CD58: variants seen among roughly 807,000 people sequenced by gnomAD.
CD58 encodes the protein CD58 molecule, also known as lymphocyte function-associated antigen 3.
CD58 carries 14 observed loss-of-function variants against 27.6 expected under a neutral mutation model. That is an observed-to-expected ratio of 0.51 (90% CI 0.34 to 0.79). CD58 has a LOEUF of 0.79. Among genes scored for constraint, CD58 ranks in the 30% least tolerant of loss-of-function variants. CD58 has a pLI of 0.02. For missense variants in CD58, 268 were observed against 301.7 expected, an observed-to-expected ratio of 0.89 and a Z score of 0.83; for synonymous variants, 117 against 103.8, an observed-to-expected ratio of 1.13 and a Z score of -0.77.
At chr1:116,566,795 A>T (rs867647827) in intron 1 of CD58, among the ~76,000 whole-genome samples, 1 of 152,272 alleles carries the variant, frequency 6.6e-6, no homozygotes, top group Middle Eastern at 3.4e-3. Context: ...TGTGTGTGCA[A>T]AAGCTATCCA....
chr1:116,525,407 T>C (rs1202260972), intron 3 of CD58, among the ~76,000 whole-genome samples: 1 of 152,260 alleles, frequency 6.6e-6, no homozygotes, highest in Admixed American at 6.5e-5. Flanking sequence ...TGTCTGTATG[T>C]ACCACAGTTT....
rs761036360 is a variant in CD58, at chr1:116,521,866, G to A, written c.706+40C>T. The A allele has an allele frequency of 1.5e-5, 16 of 1,073,062 alleles. 1 individual carries two copies. The highest frequency in any genetic ancestry group is 1.7e-5 in the Non-Finnish European group (12 of 703,480). 66.5% of individuals were successfully genotyped at this position (1,073,062 alleles called of 1,614,324 possible). ...TATTTTCTGACCTTTGGAAAACAAT[G>A]CAAGTTTTCAAACTATTTTGTTTTA... On this transcript the variant is annotated intron_variant, in intron 4 of 5. Transcript: ENST00000369489. The surrounding 1 kb of genome is among the most constrained non-coding windows in gnomAD (Gnocchi z 5.6).
Position 116,570,877 on chromosome 1 carries a change from G to A in CD58, c.70+26C>T. 4.6e-6 allele frequency: 7 copies of A among 1,534,488 alleles called. No homozygotes were observed. The highest frequency in any genetic ancestry group is 6.1e-6 in the Non-Finnish European group (7 of 1,143,540). On this transcript the variant is annotated intron_variant, in intron 1 of 5. Transcript: ENST00000369489. The surrounding 1 kb of genome is among the most constrained non-coding windows in gnomAD (Gnocchi z 6.4). Reference sequence around the variant, plus strand: ...TGCCCAGTACCCGCCGGCCGGCGCGGGGCCCCTGGGGCAGGCTTCACTCAC... The same window carrying A: ...TGCCCAGTACCCGCCGGCCGGCGCGAGGCCCCTGGGGCAGGCTTCACTCAC...
chr1:116,556,255 GAAAAAAAA>G (rs1158092746), intron 1 of CD58, among the ~76,000 whole-genome samples: 372 of 29,824 alleles, frequency 0.012, 1 homozygote, highest in African/African-American at 0.021. Flanking sequence ...CTCCATCTCA[GAAAAAAAA>G]AAAAAAAAAA....
intron 3 of CD58, among the ~76,000 whole-genome samples, chr1:116,535,155 T>G (rs999285472): frequency 6.6e-6 from 1 of 152,188 alleles, no homozygotes. Context: ...CCAAGACAGA[T>G]TGTCATGATA....
At chr1:116,544,266 A>G (rs1294030974) in intron 2 of CD58, 45 bp downstream of exon 2, 12 of 1,378,346 alleles carry the variant, frequency 8.7e-6, no homozygotes, top group Non-Finnish European at 1.2e-5. Flanking sequence ...GACTAAAAAA[A>G]TGGAAATTTG....
rs1231866392 is a variant in CD58 at position 116,550,240 on chromosome 1, C to T, written c.71-5636G>A. On this transcript the variant is annotated intron_variant, in intron 1 of 5. Coordinates refer to ENST00000369489, the MANE Select transcript of CD58 (RefSeq NM_001779.3). The surrounding 1 kb of genome is among the most constrained non-coding windows in gnomAD (Gnocchi z 4.2). The stretch of plus-strand genomic sequence containing the variant: ...CCTTTCACAAAATATTTCTCAGAGG[C>T]ATCCAATGCTGTTTGATAGAATTTT... Among the ~76,000 whole-genome samples the T allele has an allele frequency of 6.6e-6, 1 of 152,190 alleles. No individual in the cohort carries two copies. The highest frequency in any genetic ancestry group is 1.5e-5 in the Non-Finnish European group (1 of 68,022).
rs1000284094 is a variant in CD58 at position 116,541,640 on chromosome 1, T to C, written c.364+2671A>G. On this transcript the variant is annotated intron_variant, in intron 2 of 5. Coordinates refer to ENST00000369489, the MANE Select transcript of CD58 (RefSeq NM_001779.3). This position sits in a 1 kb window ranked among gnomAD's most constrained non-coding sequence, Gnocchi z 5.3. The stretch of plus-strand genomic sequence containing the variant: ...TGCCATTAACCAAAAGGGAAAAGAT[T>C]TGGGGAGGAGCAGCAGGTTTTAAGG... Among the ~76,000 whole-genome samples the C allele has an allele frequency of 1.3e-5, 2 of 152,112 alleles. No homozygotes were observed. Among genetic ancestry groups the C allele is most frequent in the Non-Finnish European group, 2.9e-5 (2 of 68,020 alleles).
In CD58 at chr1:116,526,138, C is replaced by T. The variant is rs371528022; in HGVS notation, c.629-4155G>A. On this transcript the variant is annotated intron_variant, in intron 3 of 5. Transcript: ENST00000369489. Reference sequence around the variant, plus strand: ...TCTTTTGCAAATATTTTCTCCCAGTCTGTGGCTTGGCTTCTCATTCTCTTG... The same window carrying T: ...TCTTTTGCAAATATTTTCTCCCAGTTTGTGGCTTGGCTTCTCATTCTCTTG... Among the ~76,000 whole-genome samples, 7 of 152,292 alleles carry T rather than the reference C, an allele frequency of 4.6e-5. No homozygotes were observed. The East Asian group carries it at 1.4e-3, about 29-fold the overall frequency.
In CD58 at chr1:116,570,895, T is replaced by G. The variant is rs1160846591; in HGVS notation, c.70+8A>C. On this transcript the variant is annotated splice_region_variant and intron_variant, in intron 1 of 5. Transcript: ENST00000369489. This position sits in a 1 kb window ranked among gnomAD's most constrained non-coding sequence, Gnocchi z 6.4. ...CGGCGCGGGGCCCCTGGGGCAGGCT[T>G]CACTCACCAAAGCAGTGCAGCAGGC... The G allele has an allele frequency of 6.4e-7, 1 of 1,552,536 alleles. No individual in the cohort carries two copies. Among genetic ancestry groups the G allele is most frequent in the Non-Finnish European group, 8.7e-7 (1 of 1,153,728 alleles).
At position 116,519,148 on chromosome 1, in the gene CD58, C is replaced by T. The variant is rs1657186084; in HGVS notation, c.743+83G>A. On this transcript the variant is annotated intron_variant, in intron 5 of 5. Transcript: ENST00000369489. This position sits in a 1 kb window ranked among gnomAD's most constrained non-coding sequence, Gnocchi z 4.7. ...GTACAAGGCAACCAACAGATGAGTA[C>T]AATCTGGCTTCCCAAGTAATGGGCA... is the stretch of plus-strand genomic sequence containing the variant. 3 of 1,590,090 alleles carry T rather than the reference C, an allele frequency of 1.9e-6. No individual in the cohort carries two copies. Among genetic ancestry groups the T allele is most frequent in the Admixed American group, 3.5e-5 (2 of 56,982 alleles).
rs1410538420 is a variant in CD58, at chr1:116,532,253, C to G, written c.628+3712G>C. Among the ~76,000 whole-genome samples, 2 of 152,136 alleles carry G rather than the reference C, an allele frequency of 1.3e-5. No individual in the cohort carries two copies. Among genetic ancestry groups the G allele is most frequent in the African/African-American group, 4.8e-5 (2 of 41,414 alleles). ...CAGGGTGGTTCAGAAATGGCAAGGA[C>G]GAGCGACAGCAAAAGGCCGCAGTCC... On this transcript the variant is annotated intron_variant, in intron 3 of 5. Coordinates refer to ENST00000369489, the MANE Select transcript of CD58 (RefSeq NM_001779.3). This position sits in a 1 kb window ranked among gnomAD's most constrained non-coding sequence, Gnocchi z 5.1.
chr1:116,545,243 G>A (rs939445106), intron 1 of CD58, among the ~76,000 whole-genome samples: 4 of 152,306 alleles, frequency 2.6e-5, no homozygotes, highest in African/African-American at 9.6e-5. Flanking sequence ...AGTAAGGAAC[G>A]CTAAGGGTTT....
Position 116,546,742 on chromosome 1 carries a change from G to A in CD58, c.71-2138C>T, listed in dbSNP as rs1658187075. ...TCAGGAATGGAGCTAGTGGTGGAGG[G>A]AAGTGAGGGTAGAGAAAGGGGAGAC... On this transcript the variant is annotated intron_variant, in intron 1 of 5. Coordinates refer to ENST00000369489, the MANE Select transcript of CD58 (RefSeq NM_001779.3). This position sits in a 1 kb window ranked among gnomAD's most constrained non-coding sequence, Gnocchi z 4.1. Among the ~76,000 whole-genome samples, 1 of 152,144 alleles carries A rather than the reference G, an allele frequency of 6.6e-6. No homozygotes were observed. Among genetic ancestry groups the A allele is most frequent in the African/African-American group, 2.4e-5 (1 of 41,418 alleles).
intron 1 of CD58, among the ~76,000 whole-genome samples, chr1:116,551,276 T>C (rs751629931): frequency 9.2e-5 from 14 of 152,356 alleles, no homozygotes; most frequent in Admixed American, 3.9e-4. Flanking sequence ...TTTGTCTACA[T>C]TGAAAATCTG....
chr1:116,533,631 C>T (rs1436107815), intron 3 of CD58: 1 of 700,436 alleles, frequency 1.4e-6, no homozygotes, highest in Non-Finnish European at 2.7e-6. Flanking sequence ...TGGGATTTGG[C>T]TCTTCAGCTG....
At position 116,521,289 on chromosome 1, in the gene CD58, C is replaced by A. The variant is rs1657254390; in HGVS notation, c.706+617G>T. ...GCTGGTATGGAAACTGCTGTGGCATCAAGAATATCCACTCTTCAGAATTAC... is the reference window on the plus strand; with the variant it reads ...GCTGGTATGGAAACTGCTGTGGCATAAAGAATATCCACTCTTCAGAATTAC... On this transcript the variant is annotated intron_variant, in intron 4 of 5. Transcript: ENST00000369489. This position sits in a 1 kb window ranked among gnomAD's most constrained non-coding sequence, Gnocchi z 5.6. Among the ~76,000 whole-genome samples the A allele has an allele frequency of 6.6e-6, 1 of 152,098 alleles. No homozygotes were observed. Among genetic ancestry groups the A allele is most frequent in the Admixed American group, 6.6e-5 (1 of 15,254 alleles).
At position 116,544,615 on chromosome 1, in the gene CD58, A is replaced by G; in HGVS notation, c.71-11T>C. 2 of 1,546,262 alleles carry G rather than the reference A, an allele frequency of 1.3e-6. No individual in the cohort carries two copies. The highest frequency in any genetic ancestry group is 2.3e-5 in the East Asian group (1 of 44,118). On this transcript the variant is annotated splice_polypyrimidine_tract_variant and intron_variant, in intron 1 of 5. Transcript: ENST00000369489. ...AACAGCTGATGAAACCTAGGAGAGA[A>G]AAAAAAATTGGTTAGAAAAAACAAC...
At chr1:116,551,015 T>C (rs1258909705) in intron 1 of CD58, among the ~76,000 whole-genome samples, 3 of 152,156 alleles carry the variant, frequency 2.0e-5, no homozygotes, top group Non-Finnish European at 4.4e-5. Flanking sequence ...CAGTAAACCA[T>C]GCTGTAAACA....
Sources: gnomAD v4.1 joint callset for allele counts (sites outside exome capture counted in the v4.1 genomes callset) on GRCh38, gnomAD v4.1.1 for gene constraint, Gnocchi (gnomAD v3.1) non-coding constraint, MANE v1.5 for transcripts, NCBI Gene and HGNC (gene_info 2026-07-23, HGNC 2026-07-21) for gene names.